The following SLCO1B1 variants were observed in gnomAD, a reference collection of about 807,000 sequenced individuals.
The protein encoded by SLCO1B1 is solute carrier organic anion transporter family member 1B1.
Under a neutral mutation model 70.1 loss-of-function variants are expected in SLCO1B1, and 81 were observed. That is an observed-to-expected ratio of 1.16 (90% CI 0.97 to 1.39). The LOEUF (loss-of-function observed/expected upper bound fraction) is 1.39. SLCO1B1 is among the 40% of genes most tolerant of loss of function. The probability of loss-of-function intolerance (pLI) is 0.00; values close to 1 mark genes in which losing one functional copy is unlikely to be tolerated. For missense variants in SLCO1B1, 895 were observed against 799.6 expected, an observed-to-expected ratio of 1.12 and a Z score of -1.44; for synonymous variants, 283 against 271.5, an observed-to-expected ratio of 1.04 and a Z score of -0.42.
chr12:21,132,926 G>A (rs1940163181), intron 1 of SLCO1B1, among the ~76,000 whole-genome samples: 1 of 151,990 alleles, frequency 6.6e-6, no homozygotes, highest in Non-Finnish European at 1.5e-5. Flanking sequence ...GTCCTGAATG[G>A]TATTGCCTAG....
chr12:21,229,678 G>T (rs1941514263), intron 14 of SLCO1B1, among the ~76,000 whole-genome samples: 1 of 152,088 alleles, frequency 6.6e-6, no homozygotes, highest in South Asian at 2.1e-4. Flanking sequence ...TGATATATAT[G>T]AAGATGTTTG....
At chr12:21,149,293 T>C (rs1176415426) in intron 2 of SLCO1B1, among the ~76,000 whole-genome samples, 2 of 152,176 alleles carry the variant, frequency 1.3e-5, no homozygotes, top group Non-Finnish European at 2.9e-5. Flanking sequence ...GGCATCCTTG[T>C]CTTGTGCCGG....
At chr12:21,180,480 C>T (rs1940882456) in intron 7 of SLCO1B1, among the ~76,000 whole-genome samples, 1 of 152,086 alleles carries the variant, frequency 6.6e-6, no homozygotes, top group African/African-American at 2.4e-5. Context: ...CTCTTTACCA[C>T]ATGACAGAAT....
intron 14 of SLCO1B1, among the ~76,000 whole-genome samples, 172 bp downstream of exon 14, chr12:21,225,011 A>G (rs559171613): frequency 6.6e-6 from 1 of 152,250 alleles, no homozygotes; most frequent in Admixed American, 6.5e-5. Context: ...GTACTCATAG[A>G]AACTATAGGA....
In SLCO1B1 at chr12:21,202,298, G is replaced by A. The variant is rs372346553; in HGVS notation, c.1136-193G>A. On this transcript the variant is annotated intron_variant, in intron 9 of 14. Coordinates refer to ENST00000256958, the MANE Select transcript of SLCO1B1 (RefSeq NM_006446.5). The stretch of plus-strand genomic sequence containing the variant: ...CCTAGATGACAGTTTGATAGGTGCA[G>A]CAAACCACCATGGCACATGTATATG... Among the ~76,000 whole-genome samples the A allele has an allele frequency of 5.9e-5, 9 of 152,020 alleles. No homozygotes were observed. The East Asian group carries it at 1.5e-3, about 26-fold the overall frequency.
intron 14 of SLCO1B1, among the ~76,000 whole-genome samples, chr12:21,231,630 T>C (rs1941539567): frequency 6.6e-6 from 1 of 152,030 alleles, no homozygotes; most frequent in Non-Finnish European, 1.5e-5. Context: ...AAAGGTCTTG[T>C]ATATAGATAT....
At chr12:21,172,928 C>A in intron 3 of SLCO1B1, 137 bp downstream of exon 3, 1 of 786,056 alleles carries the variant, frequency 1.3e-6, no homozygotes, top group Non-Finnish European at 2.1e-6. Flanking sequence ...TTGTGGTTGT[C>A]ATAACTGCAC....
At chr12:21,218,478 T>C (rs959166838) in intron 12 of SLCO1B1, among the ~76,000 whole-genome samples, 1 of 152,192 alleles carries the variant, frequency 6.6e-6, no homozygotes, top group Non-Finnish European at 1.5e-5. Context: ...AAAAAGCATT[T>C]TTAACATTTG....
At chr12:21,175,165 T>G (rs915068041) in intron 4 of SLCO1B1, among the ~76,000 whole-genome samples, 2 of 152,132 alleles carry the variant, frequency 1.3e-5, no homozygotes, top group Admixed American at 6.5e-5. Flanking sequence ...GGGGAGAAAC[T>G]TATTTTTCAC....
intron 12 of SLCO1B1, among the ~76,000 whole-genome samples, chr12:21,218,550 A>C (rs1941386650): frequency 6.6e-6 from 1 of 152,160 alleles, no homozygotes; most frequent in Non-Finnish European, 1.5e-5. Flanking sequence ...CCTGACTGCA[A>C]ATCTTATCAA....
At chr12:21,189,205 C>A (rs1940998638) in intron 7 of SLCO1B1, among the ~76,000 whole-genome samples, 1 of 152,132 alleles carries the variant, frequency 6.6e-6, no homozygotes, top group South Asian at 2.1e-4. Context: ...TTTATACTGG[C>A]TGTACCTTTT....
intron 4 of SLCO1B1, among the ~76,000 whole-genome samples, chr12:21,175,466 C>T (rs1344836360): frequency 2.6e-5 from 4 of 152,018 alleles, no homozygotes; most frequent in African/African-American, 9.7e-5. Context: ...TCCAAGTTAC[C>T]AAGTTCCCGG....
intron 10 of SLCO1B1, among the ~76,000 whole-genome samples, chr12:21,203,766 T>C (rs1238088826): frequency 6.6e-6 from 1 of 152,002 alleles, no homozygotes; most frequent in Non-Finnish European, 1.5e-5. Flanking sequence ...TTAGAGATGA[T>C]GCAATCCAAC....
At chr12:21,180,675 A>G (rs1488247262) in intron 7 of SLCO1B1, among the ~76,000 whole-genome samples, 1 of 152,152 alleles carries the variant, frequency 6.6e-6, no homozygotes, top group Non-Finnish European at 1.5e-5. Flanking sequence ...TAAAACTATA[A>G]AGAAAATACT....
chr12:21,206,231 T>C (rs1316560581), intron 11 of SLCO1B1, among the ~76,000 whole-genome samples, 198 bp downstream of exon 11: 1 of 151,910 alleles, frequency 6.6e-6, no homozygotes, highest in African/African-American at 2.4e-5. Context: ...CAATCAGGTT[T>C]TTCTGTTACT....
chr12:21,185,871 G>A (rs768951205), intron 7 of SLCO1B1, among the ~76,000 whole-genome samples: 2 of 151,732 alleles, frequency 1.3e-5, no homozygotes, highest in South Asian at 2.1e-4. Context: ...AAGCACAATC[G>A]GAAATGACAA....
intron 14 of SLCO1B1, among the ~76,000 whole-genome samples, chr12:21,226,979 A>G (rs1421872761): frequency 6.6e-6 from 1 of 152,294 alleles, no homozygotes; most frequent in Non-Finnish European, 1.5e-5. Context: ...TAATGACAGG[A>G]TTGCAATTAA....
chr12:21,168,824 C>A (rs979504822), intron 2 of SLCO1B1, among the ~76,000 whole-genome samples: 1 of 152,100 alleles, frequency 6.6e-6, no homozygotes, highest in Non-Finnish European at 1.5e-5. Context: ...CTGTGCCATT[C>A]CATAGGTTAT....
chr12:21,174,623 A>G lies in SLCO1B1; in HGVS notation c.273A>G (p.Leu91=), dbSNP rs748803104. 3 of 1,613,348 alleles carry G rather than the reference A, an allele frequency of 1.9e-6. No individual in the cohort carries two copies. Among genetic ancestry groups the G allele is most frequent in the South Asian group, 1.1e-5 (1 of 91,062 alleles). ...TTGTGAGTTACTTTGGATCCAAACT[A>G]CATAGACCAAAGTTAATTGGAATCG... is the stretch of plus-strand genomic sequence containing the variant. ...IVFVSYFGSK[L]HRPKLIGIGC... is the part of the protein sequence containing the mutation. The change falls in exon 4 of 15, where the codon CTA becomes CTG. Residue 91 remains leucine, a synonymous_variant. Transcript: ENST00000256958.
Sources: gnomAD v4.1 joint callset for allele counts (sites outside exome capture counted in the v4.1 genomes callset) on GRCh38, gnomAD v4.1.1 for gene constraint, MANE v1.5 for transcripts, NCBI Gene and HGNC (gene_info 2026-07-23, HGNC 2026-07-21) for gene names.